Variants in HDLBP observed in about 807,000 individuals in gnomAD.
HDLBP encodes the protein high density lipoprotein binding protein, also known as vigilin.
In HDLBP, 30 loss-of-function variants were observed where a neutral mutation model predicts 137.3. That is an observed-to-expected ratio of 0.22 (90% CI 0.16 to 0.30). HDLBP has a LOEUF of 0.30. Among genes scored for constraint, HDLBP ranks in the 10% least tolerant of loss-of-function variants. The pLI is 1.00. For missense variants in HDLBP, 1,119 were observed against 1,667.3 expected, an observed-to-expected ratio of 0.67 and a Z score of 5.73; for synonymous variants, 606 against 596.0, an observed-to-expected ratio of 1.02 and a Z score of -0.24.
chr2:241,246,746 C>A lies in HDLBP; in HGVS notation c.1950+6G>T. ...AGGATCTCCATTAGAAAACATCTCC[C>A]ATTACCAGGTCTTTCTGAATAGACA... On this transcript the variant is annotated splice_donor_region_variant and intron_variant, in intron 16 of 27. Transcript: ENST00000310931. 1 of 1,612,970 alleles carries A rather than the reference C, an allele frequency of 6.2e-7. No individual in the cohort carries two copies. Among genetic ancestry groups the A allele is most frequent in the Non-Finnish European group, 8.5e-7 (1 of 1,179,444 alleles).
At chr2:241,286,848 G>A (rs1433789794) in intron 1 of HDLBP, among the ~76,000 whole-genome samples, 1 of 151,986 alleles carries the variant, frequency 6.6e-6, no homozygotes, top group African/African-American at 2.4e-5. Context: ...CAGTGTGGAA[G>A]CTGAGGTGGG....
intron 1 of HDLBP, among the ~76,000 whole-genome samples, chr2:241,281,049 A>G (rs1388501003): frequency 1.3e-5 from 2 of 152,204 alleles, no homozygotes; most frequent in Non-Finnish European, 2.9e-5. Context: ...AGATAAATAC[A>G]ATTTATTTTC....
rs1486882084 is a variant in HDLBP, at chr2:241,266,786, G to C, written c.76+8C>G. On this transcript the variant is annotated splice_region_variant and intron_variant, in intron 3 of 27. Transcript: ENST00000310931. ...ATTACCAGGAAGAGCACATAAAAGG[G>C]CTGTCACCTTTGATTTGTTGCGGAA... 2 of 1,560,380 alleles carry C rather than the reference G, an allele frequency of 1.3e-6. No homozygotes were observed. The highest frequency in any genetic ancestry group is 4.5e-5 in the East Asian group (2 of 44,678).
chr2:241,247,213 CT>C, intron 14 of HDLBP, 71 bp from the exon 15 acceptor site: 2 of 953,800 alleles, frequency 2.1e-6, no homozygotes, highest in Non-Finnish European at 3.4e-6. Flanking sequence ...CCTTCTACCC[CT>C]AAGGGTAGCA....
At chr2:241,297,735 A>AAAGAG (rs747345678) in intron 1 of HDLBP, among the ~76,000 whole-genome samples, 4 of 152,090 alleles carry the variant, frequency 2.6e-5, no homozygotes, top group East Asian at 1.9e-4. Context: ...TACAAGAAAG[A>AAAGAG]AAGAGAAGAG....
Position 241,235,246 on chromosome 2 carries a change from G to A in HDLBP, c.3019C>T (p.His1007Tyr), listed in dbSNP as rs1430488034. 1.9e-6 allele frequency: 3 copies of A among 1,614,098 alleles called. No homozygotes were observed. The highest frequency in any genetic ancestry group is 2.5e-6 in the Non-Finnish European group (3 of 1,180,050). ...KMMDEFEVNI[H>Y]VPAPELQSDI... ...GACTGCAGCTCAGGTGCCGGGACAT[G>A]TATGTTCACCTACGTGAAGAGGGGG... is the stretch of plus-strand genomic sequence containing the variant. The change falls in exon 23 of 28, where the codon CAT becomes TAT. Residue 1007 changes from histidine (H) to tyrosine (Y), a missense_variant. Physicochemically the swap from His to Tyr is moderately conservative, Grantham distance 83 (BLOSUM62 2). This residue lies in a region of HDLBP where 618 missense variants were observed against 816.7 expected (regional missense o/e 0.76). Coordinates refer to ENST00000310931, the MANE Select transcript of HDLBP (RefSeq NM_005336.6).
chr2:241,272,411 G>A lies in HDLBP; in HGVS notation c.-102-3870C>T, dbSNP rs1241915278. 3 of 984,430 alleles carry A rather than the reference G, an allele frequency of 3.0e-6. No homozygotes were observed. The highest frequency in any genetic ancestry group is 3.5e-5 in the African/African-American group (2 of 57,076). 61.0% of individuals were successfully genotyped at this position (984,430 alleles called of 1,614,324 possible). ...GCGCCGTGCGGCCACGGCACCAGGG[G>A]TGCCCCACCGAAGCCCCGGGAGGAG... On this transcript the variant is annotated intron_variant, in intron 1 of 27. Transcript: ENST00000310931. The surrounding 1 kb of genome is among the most constrained non-coding windows in gnomAD (Gnocchi z 5.6).
chr2:241,305,693 C>A lies in HDLBP; in HGVS notation c.-103+9877G>T, dbSNP rs114484012. Among the ~76,000 whole-genome samples, 713 of 152,114 alleles carry A rather than the reference C, an allele frequency of 4.7e-3. 3 individuals carry two copies. The highest frequency in any genetic ancestry group is 0.016 in the African/African-American group (683 of 41,482). ...GTAACAAAAATCACCCTGGTGATAACCACTGCTAGAAATAAATAGCGTGAT... is the reference window on the plus strand; with the variant it reads ...GTAACAAAAATCACCCTGGTGATAAACACTGCTAGAAATAAATAGCGTGAT... On this transcript the variant is annotated intron_variant, in intron 1 of 27. Coordinates refer to ENST00000310931, the MANE Select transcript of HDLBP (RefSeq NM_005336.6).
chr2:241,231,631 TGTGCTGG>T (rs947300108), intron 24 of HDLBP, among the ~76,000 whole-genome samples: 2 of 152,036 alleles, frequency 1.3e-5, no homozygotes, highest in African/African-American at 4.8e-5. Flanking sequence ...GAGGCATCTT[TGTGCTGG>T]AGGCTGGAGG....
At chr2:241,281,710 A>G (rs2074615414) in intron 1 of HDLBP, among the ~76,000 whole-genome samples, 1 of 152,218 alleles carries the variant, frequency 6.6e-6, no homozygotes, top group Non-Finnish European at 1.5e-5. Flanking sequence ...CAGATTTTGA[A>G]GATTTAGTAC....
chr2:241,254,127 T>C lies in HDLBP; in HGVS notation c.1189-630A>G, dbSNP rs531476010. 2.0e-4 allele frequency among the ~76,000 whole-genome samples: 31 copies of C among 152,194 alleles called. 1 individual carries two copies. In the South Asian group the frequency reaches 5.0e-3, roughly 24 times the overall value. On this transcript the variant is annotated intron_variant, in intron 9 of 27. Coordinates refer to ENST00000310931, the MANE Select transcript of HDLBP (RefSeq NM_005336.6). ...AGTAAGACTCTGCCTCCACGAAAAC[T>C]AGCCTGGGGCGCCTGTAGTGCCAGC...
intron 5 of HDLBP, among the ~76,000 whole-genome samples, chr2:241,261,568 C>T (rs1184314877): frequency 2.0e-5 from 3 of 152,170 alleles, no homozygotes; most frequent in South Asian, 4.2e-4. Flanking sequence ...AGTGAAGTGG[C>T]CCTTTCCCCT....
rs527452609 is a variant in HDLBP, at chr2:241,228,131, C to G, written c.*1470G>C. 9 of 152,276 alleles carry G rather than the reference C, an allele frequency of 5.9e-5. No homozygotes were observed. Among genetic ancestry groups the G allele is most frequent in the African/African-American group, 2.2e-4 (9 of 41,450 alleles). 9.4% of individuals were successfully genotyped at this position (152,276 alleles called of 1,614,324 possible). Reference sequence around the variant, plus strand: ...TGAGAGTGAGGTGTCAAGGCGGAAGCGACTGTCCCCAGGGAAGGGCTGTGA... The same window carrying G: ...TGAGAGTGAGGTGTCAAGGCGGAAGGGACTGTCCCCAGGGAAGGGCTGTGA... On this transcript the variant is annotated 3_prime_UTR_variant, in exon 28 of 28. Coordinates refer to ENST00000310931, the MANE Select transcript of HDLBP (RefSeq NM_005336.6).
At chr2:241,273,533 C>T in intron 1 of HDLBP, 4 of 927,686 alleles carry the variant, frequency 4.3e-6, no homozygotes, top group Non-Finnish European at 3.9e-6. Context: ...GGACTTGTCA[C>T]TTCTGCATCC....
At chr2:241,260,882 T>C (rs1230044040) in intron 5 of HDLBP, among the ~76,000 whole-genome samples, 1 of 151,956 alleles carries the variant, frequency 6.6e-6, no homozygotes, top group Non-Finnish European at 1.5e-5. Flanking sequence ...TCCCCACTAA[T>C]CAATGGCATT....
rs1217217963 is a variant in HDLBP, at chr2:241,254,510, A to T, written c.1188+541T>A. Among the ~76,000 whole-genome samples the T allele has an allele frequency of 2.7e-5, 4 of 149,022 alleles. 1 individual carries two copies. Among genetic ancestry groups the T allele is most frequent in the South Asian group, 4.3e-4 (2 of 4,702 alleles). Reference sequence around the variant, plus strand: ...TATTTTTTTTTTTTTTTTGAGACAGAGTCTCGCTCTGTCGCCAAGGCTGGA... The same window carrying T: ...TATTTTTTTTTTTTTTTTGAGACAGTGTCTCGCTCTGTCGCCAAGGCTGGA... On this transcript the variant is annotated intron_variant, in intron 9 of 27. Coordinates refer to ENST00000310931, the MANE Select transcript of HDLBP (RefSeq NM_005336.6).
At chr2:241,279,106 AAAATACAG>A (rs2074505153) in intron 1 of HDLBP, among the ~76,000 whole-genome samples, 1 of 152,242 alleles carries the variant, frequency 6.6e-6, no homozygotes, top group African/African-American at 2.4e-5. Context: ...AACCTTTGTC[AAAATACAG>A]AAATGACCTT....
chr2:241,246,426 A>C (rs930021390), intron 16 of HDLBP: 3 of 277,704 alleles, frequency 1.1e-5, no homozygotes, highest in African/African-American at 6.7e-5. Context: ...AAATATGTAC[A>C]ATTTACTGCA....
chr2:241,283,474 CTTT>C (rs961552851), intron 1 of HDLBP, among the ~76,000 whole-genome samples: 1 of 142,166 alleles, frequency 7.0e-6, no homozygotes, highest in East Asian at 2.0e-4. Context: ...TAGATGGCTT[CTTT>C]TTTTTTTTTT....
Sources: allele counts gnomAD v4.1 joint callset (sites outside exome capture counted in the v4.1 genomes callset), GRCh38; gene constraint gnomAD v4.1.1; regional missense constraint gnomAD v4.1.1; non-coding constraint Gnocchi (gnomAD v3.1); transcripts MANE v1.5; gene names NCBI Gene and HGNC (gene_info 2026-07-23, HGNC 2026-07-21).